Variants in CSMD1 observed in about 807,000 individuals in gnomAD.
The protein encoded by CSMD1 is CUB and Sushi multiple domains 1.
Under a neutral mutation model 417.5 loss-of-function variants are expected in CSMD1, and 213 were observed. That is an observed-to-expected ratio of 0.51 (90% CI 0.46 to 0.57). The LOEUF (loss-of-function observed/expected upper bound fraction) is 0.57. Among genes scored for constraint, CSMD1 ranks in the 20% least tolerant of loss-of-function variants. The pLI is 0.00. For missense variants in CSMD1, 6,923 were observed against 4,529.7 expected (o/e 1.53, Z -15.17); for synonymous variants, 2,862 against 1,736.8 (o/e 1.65, Z -16.11).
intron 23 of CSMD1, among the ~76,000 whole-genome samples, chr8:3,326,364 C>A (rs76140543): frequency 0.046 from 6,960 of 152,240 alleles, 356 homozygotes; most frequent in East Asian, 0.21. Flanking sequence ...CTTCCACCTT[C>A]CTCCCTTTGA....
At chr8:4,085,131 G>T (rs536261764) in intron 3 of CSMD1, among the ~76,000 whole-genome samples, 1 of 152,178 alleles carries the variant, frequency 6.6e-6, no homozygotes, top group Non-Finnish European at 1.5e-5. Flanking sequence ...CTGAGGCTGA[G>T]ATGTCACCGG....
intron 2 of CSMD1, among the ~76,000 whole-genome samples, chr8:4,450,130 T>A (rs951362339): frequency 6.6e-6 from 1 of 152,178 alleles, no homozygotes; most frequent in Non-Finnish European, 1.5e-5. Flanking sequence ...CTTTGTCCAT[T>A]GTTTTCCAAA....
chr8:4,714,939 G>A (rs906918700), intron 1 of CSMD1, among the ~76,000 whole-genome samples: 1 of 152,176 alleles, frequency 6.6e-6, no homozygotes, highest in Non-Finnish European at 1.5e-5. Flanking sequence ...AAGGTGTCTA[G>A]AGAATTCTGC....
intron 2 of CSMD1, among the ~76,000 whole-genome samples, chr8:4,609,333 A>G (rs1348519104): frequency 6.6e-6 from 1 of 152,170 alleles, no homozygotes; most frequent in Non-Finnish European, 1.5e-5. Flanking sequence ...CCTGGGAGGC[A>G]GAGGTTGTAG....
At chr8:4,158,619 T>G (rs1382946151) in intron 3 of CSMD1, among the ~76,000 whole-genome samples, 1 of 152,064 alleles carries the variant, frequency 6.6e-6, no homozygotes, top group Non-Finnish European at 1.5e-5. Context: ...CCAGAAATGA[T>G]AATTTTCACA....
intron 1 of CSMD1, among the ~76,000 whole-genome samples, chr8:4,869,084 G>C (rs1176018161): frequency 6.6e-6 from 1 of 151,676 alleles, no homozygotes; most frequent in South Asian, 2.1e-4. Flanking sequence ...TTTTAAAAGA[G>C]AAACAATTTC....
intron 3 of CSMD1, among the ~76,000 whole-genome samples, chr8:4,298,120 C>G (rs1021780673): frequency 6.6e-6 from 1 of 152,072 alleles, no homozygotes; most frequent in Non-Finnish European, 1.5e-5. Context: ...CATCCCAGGG[C>G]ACTGGGGACA....
chr8:3,582,794 T>C (rs73507859), intron 9 of CSMD1, among the ~76,000 whole-genome samples: 4,322 of 152,294 alleles, frequency 0.028, 190 homozygotes, highest in African/African-American at 0.098. Context: ...AAAATGTTAT[T>C]ACAATTAAAT....
chr8:3,967,093 G>A (rs569079786), intron 5 of CSMD1, among the ~76,000 whole-genome samples: 1 of 152,156 alleles, frequency 6.6e-6, no homozygotes, highest in African/African-American at 2.4e-5. Context: ...AACAAGGAAA[G>A]AAAGCCATGA....
chr8:4,486,815 G>A (rs796833798), intron 2 of CSMD1, among the ~76,000 whole-genome samples: 1 of 152,162 alleles, frequency 6.6e-6, no homozygotes, highest in Admixed American at 6.5e-5. Context: ...CTGCAAAGGT[G>A]CCTGCAAAAG....
rs150267668 is a variant in CSMD1 at position 4,501,566 on chromosome 8, G to A, written c.303-81501C>T. Among the ~76,000 whole-genome samples the A allele has an allele frequency of 3.0e-4, 45 of 152,214 alleles. No homozygotes were observed. In the East Asian group the frequency reaches 6.7e-3, roughly 23 times the overall value. On this transcript the variant is annotated intron_variant, in intron 2 of 69. Transcript: ENST00000635120. ...CTAAGGTCAACTGTGGTCCACTGAG[G>A]TCTGAAAACATTAAATGAAAAATTT...
intron 5 of CSMD1, among the ~76,000 whole-genome samples, chr8:3,986,437 T>A (rs924273537): frequency 2.0e-5 from 3 of 152,126 alleles, no homozygotes; most frequent in African/African-American, 7.2e-5. Context: ...CAAGGTGAAA[T>A]CTGAAATATC....
chr8:4,408,262 T>C (rs6558876), intron 3 of CSMD1, among the ~76,000 whole-genome samples: 60,604 of 151,970 alleles, frequency 0.4, 12,412 homozygotes, highest in South Asian at 0.44. Flanking sequence ...TCAGAGGATA[T>C]GAAAGAATAT....
At chr8:3,382,331 T>C (rs1585081705) in intron 18 of CSMD1, among the ~76,000 whole-genome samples, 1 of 146,704 alleles carries the variant, frequency 6.8e-6, no homozygotes, top group African/African-American at 2.5e-5. Context: ...TTTATATATA[T>C]ATATAAATTT....
At chr8:3,873,036 T>TA (rs1195692051) in intron 5 of CSMD1, among the ~76,000 whole-genome samples, 1 of 151,642 alleles carries the variant, frequency 6.6e-6, no homozygotes, top group Non-Finnish European at 1.5e-5. Flanking sequence ...TTGTTGTTAT[T>TA]AAAAAATCAA....
intron 1 of CSMD1, among the ~76,000 whole-genome samples, chr8:4,825,953 T>C (rs183158581): frequency 6.6e-6 from 1 of 152,106 alleles, no homozygotes; most frequent in East Asian, 1.9e-4. Flanking sequence ...CCTTACATCT[T>C]TGAGGATGAC....
chr8:4,856,800 C>T (rs1344143592), intron 1 of CSMD1, among the ~76,000 whole-genome samples: 14 of 150,796 alleles, frequency 9.3e-5, no homozygotes, highest in Non-Finnish European at 1.6e-4. Context: ...GACTTAGACT[C>T]CCACACATTA....
At chr8:4,956,269 C>T (rs1809104128) in intron 1 of CSMD1, among the ~76,000 whole-genome samples, 1 of 151,268 alleles carries the variant, frequency 6.6e-6, no homozygotes, top group African/African-American at 2.4e-5. Context: ...TTTAAAGTGA[C>T]AGACCTTGCA....
chr8:4,565,723 A>G (rs1326130974), intron 2 of CSMD1, among the ~76,000 whole-genome samples: 1 of 145,902 alleles, frequency 6.9e-6, no homozygotes, highest in Non-Finnish European at 1.5e-5. Flanking sequence ...TGACAGCGCA[A>G]CACTCCACCT....
Sources: gnomAD v4.1 joint callset for allele counts (sites outside exome capture counted in the v4.1 genomes callset) on GRCh38, gnomAD v4.1.1 for gene constraint, MANE v1.5 for transcripts, NCBI Gene and HGNC (gene_info 2026-07-23, HGNC 2026-07-21) for gene names.